Variants in CAPN2 observed in about 807,000 individuals in gnomAD.
The protein encoded by CAPN2 is calpain 2.
In CAPN2, 92 loss-of-function variants were observed where a neutral mutation model predicts 102.3. That is an observed-to-expected ratio of 0.90 (90% CI 0.76 to 1.07). The LOEUF is 1.07. Ranked by LOEUF, CAPN2 falls within the 50% of genes least tolerant of loss-of-function variation. The pLI is 0.00. For synonymous variants in CAPN2, 340 were observed against 355.4 expected (o/e 0.96, Z 0.49); for missense variants, 800 against 909.4 (o/e 0.88, Z 1.55).
Position 223,759,553 on chromosome 1 carries a change from G to C in CAPN2, c.1529+72G>C. 7.6e-7 allele frequency: 1 copy of C among 1,308,254 alleles called. No homozygotes were observed. 81.0% of individuals were successfully genotyped at this position (1,308,254 alleles called of 1,614,324 possible). A position where few individuals can be genotyped will look rare whatever the true frequency, so the allele number is the denominator to read the frequency against. The stretch of plus-strand genomic sequence containing the variant: ...CCACTGGTCTGTTCCTCGGCCCCTA[G>C]AGGGCTCTTTCATCCTCTGAATGTC... On this transcript the variant is annotated intron_variant, in intron 12 of 20. Coordinates refer to ENST00000295006, the MANE Select transcript of CAPN2 (RefSeq NM_001748.5). This position sits in a 1 kb window ranked among gnomAD's most constrained non-coding sequence, Gnocchi z 4.6.
intron 1 of CAPN2, among the ~76,000 whole-genome samples, chr1:223,702,922 G>A (rs1469322645): frequency 6.6e-6 from 1 of 152,218 alleles, no homozygotes; most frequent in Non-Finnish European, 1.5e-5. Flanking sequence ...GAAGCAGAGG[G>A]AAGAAAGTAA....
intron 1 of CAPN2, among the ~76,000 whole-genome samples, chr1:223,714,613 TAA>T (rs1659827282): frequency 4.2e-5 from 1 of 24,096 alleles, no homozygotes. Flanking sequence ...CTTGTCTCTA[TAA>T]AAAAGTAAAA....
chr1:223,733,021 A>G (rs773895606), intron 2 of CAPN2, among the ~76,000 whole-genome samples: 1 of 152,190 alleles, frequency 6.6e-6, no homozygotes, highest in Non-Finnish European at 1.5e-5. Context: ...TTGCTCTGGT[A>G]TCCAGCGTGT....
chr1:223,750,966 G>A lies in CAPN2; in HGVS notation c.890G>A (p.Trp297Ter). 1.3e-6 allele frequency: 2 copies of A among 1,552,006 alleles called. No individual in the cohort carries two copies. Among genetic ancestry groups the A allele is most frequent in the South Asian group, 1.2e-5 (1 of 84,068 alleles). The change falls in exon 7 of 21, where the codon TGG (tryptophan) becomes TAG (stop). Residue 297 changes from tryptophan to a stop codon, truncating the protein, a stop_gained. Coordinates refer to ENST00000295006, the MANE Select transcript of CAPN2 (RefSeq NM_001748.5). LOFTEE classifies it high-confidence loss of function. ...PWGEVEWTGR[W>*]NDNCPSWNTI... is the part of the protein sequence containing the mutation. The stretch of plus-strand genomic sequence containing the variant: ...GGAGAAGTGGAGTGGACAGGGCGGT[G>A]GAATGACAAGTGAGGAGGGCGCAGG...
In CAPN2 at chr1:223,751,997, C is replaced by A. The variant is rs903140076; in HGVS notation, c.900C>A (p.Asn300Lys). 3.8e-6 allele frequency: 6 copies of A among 1,597,246 alleles called. No individual in the cohort carries two copies. The African/African-American group carries it at 6.8e-5, about 18-fold the overall frequency. The stretch of plus-strand genomic sequence containing the variant: ...CCTCTCTCTTTACTTTGTTTTCCAG[C>A]TGCCCAAGCTGGAACACTATAGACC... The part of the protein sequence containing the change: ...EVEWTGRWND[N>K]CPSWNTIDPE... The change falls in exon 8 of 21, where the codon AAC becomes AAA. Residue 300 changes from asparagine (N) to lysine (K), a missense_variant and splice_region_variant. By Grantham distance (94) the Asn-to-Lys change is moderately conservative (BLOSUM62 0). Transcript: ENST00000295006.
chr1:223,759,261 A>G lies in CAPN2; in HGVS notation c.1318-9A>G, dbSNP rs1196382983. 1.2e-6 allele frequency: 2 copies of G among 1,612,574 alleles called. No homozygotes were observed. The highest frequency in any genetic ancestry group is 1.6e-4 in the Middle Eastern group (1 of 6,078). ...CATCTACCCCCATGTTTCTCTATTT[A>G]TTCCTCAGTTAAGTGGGCAGACCAA... On this transcript the variant is annotated splice_polypyrimidine_tract_variant and intron_variant, in intron 11 of 20. Coordinates refer to ENST00000295006, the MANE Select transcript of CAPN2 (RefSeq NM_001748.5). The surrounding 1 kb of genome is among the most constrained non-coding windows in gnomAD (Gnocchi z 4.6).
chr1:223,757,881 T>C (rs28370105), intron 11 of CAPN2: 3,702 of 154,626 alleles, frequency 0.024, 143 homozygotes, highest in African/African-American at 0.085. Flanking sequence ...TGTTTGTTTG[T>C]TTTTTGTCTC....
At position 223,750,897 on chromosome 1, in the gene CAPN2, G is replaced by A; in HGVS notation, c.821G>A (p.Ser274Asn). ...TTTTATCTAATCCTGCAGGTTGAAA[G>A]TAACGGAAGCCTACAGAAACTGATC... is the stretch of plus-strand genomic sequence containing the variant. ...YSVTGAEEVE[S>N]NGSLQKLIRI... Residue 274 changes from serine (S) to asparagine (N), a missense_variant, in exon 7 of 21, where the codon AGT (serine) becomes AAT (asparagine). Ser to Asn is a conservative substitution (Grantham distance 46). Transcript: ENST00000295006. 6.4e-7 allele frequency: 1 copy of A among 1,552,052 alleles called. No homozygotes were observed.
rs1270629483 is a variant in CAPN2, at chr1:223,770,346, C to T, written c.1825-101C>T. The T allele has an allele frequency of 1.2e-5, 9 of 725,746 alleles. No individual in the cohort carries two copies. In the African/African-American group the frequency reaches 1.6e-4, roughly 13 times the overall value. The allele number at this position is 725,746 out of a possible 1,614,324, so 45.0% of individuals were successfully genotyped here. A position where few individuals can be genotyped will look rare whatever the true frequency, so the allele number is the denominator to read the frequency against. Reference sequence around the variant, plus strand: ...TTCTTCCACGGCCAAACTAGAGGCACAGAGCTGGAAAAACTTCATCCCCAC... The same window carrying T: ...TTCTTCCACGGCCAAACTAGAGGCATAGAGCTGGAAAAACTTCATCCCCAC... On this transcript the variant is annotated intron_variant, in intron 17 of 20. Coordinates refer to ENST00000295006, the MANE Select transcript of CAPN2 (RefSeq NM_001748.5).
In CAPN2 at chr1:223,761,618, G is replaced by A; in HGVS notation, c.1566+1G>A. On this transcript the variant is annotated splice_donor_variant, in intron 13 of 20. Transcript: ENST00000295006. LOFTEE classifies it high-confidence loss of function. The stretch of plus-strand genomic sequence containing the variant: ...TGAAATCGAGGCCAATCTTGAAGAG[G>A]TATTTGTAACTCTTTGAATTTCACC... 6.2e-7 allele frequency: 1 copy of A among 1,609,540 alleles called. No homozygotes were observed. Among genetic ancestry groups the A allele is most frequent in the Non-Finnish European group, 8.5e-7 (1 of 1,176,234 alleles).
intron 1 of CAPN2, among the ~76,000 whole-genome samples, chr1:223,702,933 G>C (rs1659519713): frequency 6.6e-6 from 1 of 152,188 alleles, no homozygotes; most frequent in African/African-American, 2.4e-5. Context: ...AAGAAAGTAA[G>C]GGAATGGCAA....
rs1417553536 is a variant in CAPN2 at position 223,726,902 on chromosome 1, T to C, written c.307+9071T>C. On this transcript the variant is annotated intron_variant, in intron 2 of 20. Coordinates refer to ENST00000295006, the MANE Select transcript of CAPN2 (RefSeq NM_001748.5). The surrounding 1 kb of genome is among the most constrained non-coding windows in gnomAD (Gnocchi z 4.4). ...CCAGGGTGACTCATCAGCTACCCTCTCGCAGGCCTAGCACGCTGGCGGGGT... is the reference window on the plus strand; with the variant it reads ...CCAGGGTGACTCATCAGCTACCCTCCCGCAGGCCTAGCACGCTGGCGGGGT... Among the ~76,000 whole-genome samples the C allele has an allele frequency of 6.6e-6, 1 of 152,188 alleles. No individual in the cohort carries two copies. The highest frequency in any genetic ancestry group is 2.4e-5 in the African/African-American group (1 of 41,436).
chr1:223,724,395 C>A (rs980003849), intron 2 of CAPN2, among the ~76,000 whole-genome samples: 7 of 152,164 alleles, frequency 4.6e-5, no homozygotes, highest in Non-Finnish European at 7.3e-5. Context: ...TTCTAGACCA[C>A]CCCTGTCCCA....
At chr1:223,770,368 C>T (rs1330453099) in intron 17 of CAPN2, 79 bp from the exon 18 acceptor site, 2 of 895,978 alleles carry the variant, frequency 2.2e-6, no homozygotes, top group South Asian at 1.4e-5. Flanking sequence ...AACTTCATCC[C>T]CACTCAGCAC....
rs12034382 is a variant in CAPN2 at position 223,768,819 on chromosome 1, G to A, written c.1756-1022G>A. Among the ~76,000 whole-genome samples the A allele has an allele frequency of 1.4e-3, 215 of 151,632 alleles. 3 individuals carry two copies. In the East Asian group the frequency reaches 0.03, roughly 21 times the overall value. Reference sequence around the variant, plus strand: ...CAATATTGATTCTTCCTACCCATGAGCATGGAATGTTCTTCCATTTGTTTG... The same window carrying A: ...CAATATTGATTCTTCCTACCCATGAACATGGAATGTTCTTCCATTTGTTTG... On this transcript the variant is annotated intron_variant, in intron 16 of 20. Coordinates refer to ENST00000295006, the MANE Select transcript of CAPN2 (RefSeq NM_001748.5).
At chr1:223,757,249 G>C in intron 10 of CAPN2, 120 bp from the exon 11 acceptor site, 1 of 1,085,086 alleles carries the variant, frequency 9.2e-7, no homozygotes, top group Non-Finnish European at 1.4e-6. Flanking sequence ...TTACTCGGTT[G>C]AATTAGTTGA....
chr1:223,707,626 G>T (rs1307741192), upstream of CAPN2, among the ~76,000 whole-genome samples: 2 of 152,204 alleles, frequency 1.3e-5, no homozygotes, highest in Non-Finnish European at 1.5e-5. Context: ...GGGTGGCATA[G>T]GACAGCCTAA....
intron 2 of CAPN2, among the ~76,000 whole-genome samples, chr1:223,730,037 G>GAAAAAAAAAAAAAAAAAAAAAAAAAA (rs1660298689): frequency 1.1e-5 from 1 of 94,178 alleles, no homozygotes. Flanking sequence ...AAAAAAAAAC[G>GAAAAAAAAAAAAAAAAAAAAAAAAAA]AAAACCTGAA....
At chr1:223,745,130 C>T (rs546883379) in intron 3 of CAPN2, among the ~76,000 whole-genome samples, 176 bp from the exon 4 acceptor site, 3 of 152,130 alleles carry the variant, frequency 2.0e-5, no homozygotes, top group Non-Finnish European at 2.9e-5. Context: ...CCTCTGTCTT[C>T]GCTTTTTTAG....
Sources: allele counts gnomAD v4.1 joint callset (sites outside exome capture counted in the v4.1 genomes callset), GRCh38; gene constraint gnomAD v4.1.1; non-coding constraint Gnocchi (gnomAD v3.1); transcripts MANE v1.5; gene names NCBI Gene and HGNC (gene_info 2026-07-23, HGNC 2026-07-21).